GPR20: variants seen among roughly 807,000 people sequenced by gnomAD.
GPR20 encodes G protein-coupled receptor 20, also known as CTD-3064M3.3.
For synonymous variants in GPR20, 241 were observed against 241.9 expected (o/e 1.00, Z 0.04); for missense variants, 494 against 527.4 (o/e 0.94, Z 0.62).
At position 141,357,898 on chromosome 8, in the gene GPR20, G is replaced by A. The variant is rs1271614237; in HGVS notation, c.26C>T (p.Pro9Leu). MPSVSPAG[P>L]SAGAVPNATA... ...GGCATTGGGGACTGCCCCGGCCGAG[G>A]GCCCCGCTGGAGACACAGAGGGCAT... is the stretch of plus-strand genomic sequence containing the variant. Residue 9 changes from proline to leucine, a missense_variant, in exon 2 of 2, where the codon CCC becomes CTC. Physicochemically the swap from Pro to Leu is moderately conservative, Grantham distance 98. Transcript: ENST00000377741. 6.3e-7 allele frequency: 1 copy of A among 1,576,652 alleles called. No homozygotes were observed. The highest frequency in any genetic ancestry group is 8.6e-7 in the Non-Finnish European group (1 of 1,158,894).
chr8:141,356,779 A>T lies in GPR20; in HGVS notation c.*68T>A. On this transcript the variant is annotated 3_prime_UTR_variant, in exon 2 of 2. Transcript: ENST00000377741. ...GATGGAACCGATTGCCACCCCTGGC[A>T]TGGTGGGTGTCCACGCTGGCATGCC... 8.8e-7 allele frequency: 1 copy of T among 1,134,218 alleles called. No homozygotes were observed. The highest frequency in any genetic ancestry group is 2.4e-5 in the East Asian group (1 of 41,908). 70.3% of individuals were successfully genotyped at this position (1,134,218 alleles called of 1,614,324 possible). A position where few individuals can be genotyped will look rare whatever the true frequency, so the allele number is the denominator to read the frequency against.
In GPR20 at chr8:141,357,392, C is replaced by T. The variant is rs569607842; in HGVS notation, c.532G>A (p.Ala178Thr). ...AGCACCGACAGGGTGACGGCACCGG[C>T]GGCCAGCCACACGAAGGCGCACACG... ...RAVCAFVWLAAGAVTLSVLGV... is the reference protein window; with the variant it reads ...RAVCAFVWLATGAVTLSVLGV... Residue 178 changes from alanine to threonine, a missense_variant, in exon 2 of 2, where the codon GCC becomes ACC. Coordinates refer to ENST00000377741, the MANE Select transcript of GPR20 (RefSeq NM_005293.3). 28 of 1,585,170 alleles carry T rather than the reference C, an allele frequency of 1.8e-5. No individual in the cohort carries two copies. The highest frequency in any genetic ancestry group is 5.6e-5 in the South Asian group (5 of 88,866).
intron 1 of GPR20, among the ~76,000 whole-genome samples, chr8:141,358,266 G>C (rs766239049): frequency 6.6e-6 from 1 of 152,228 alleles, no homozygotes; most frequent in Non-Finnish European, 1.5e-5. Flanking sequence ...AAACACGTGC[G>C]GTGCAGGGCT....
Position 141,356,657 on chromosome 8 carries a change from C to G in GPR20, c.*190G>C, listed in dbSNP as rs1831640018. 2 of 522,542 alleles carry G rather than the reference C, an allele frequency of 3.8e-6. No individual in the cohort carries two copies. The highest frequency in any genetic ancestry group is 6.7e-6 in the Non-Finnish European group (2 of 297,396). 32.4% of individuals were successfully genotyped at this position (522,542 alleles called of 1,614,324 possible). On this transcript the variant is annotated 3_prime_UTR_variant, in exon 2 of 2. Transcript: ENST00000377741. Reference sequence around the variant, plus strand: ...ATCACCGGCATTCAGGCCACCACATCCCATCGGAGCCAGTGGCAGACATTG... The same window carrying G: ...ATCACCGGCATTCAGGCCACCACATGCCATCGGAGCCAGTGGCAGACATTG...
At position 141,357,700 on chromosome 8, in the gene GPR20, A is replaced by C; in HGVS notation, c.224T>G (p.Leu75Arg). Reference sequence around the variant, plus strand: ...CCGGGTGCGGCAGCAGAAGACGTACAGCGCCAGCCCGTTGAGCACCAGCCC... The same window carrying C: ...CCGGGTGCGGCAGCAGAAGACGTACCGCGCCAGCCCGTTGAGCACCAGCCC... ...LAGLVLNGLA[L>R]YVFCCRTRAK... The change falls in exon 2 of 2, where the codon CTG becomes CGG. Residue 75 changes from leucine to arginine, a missense_variant. Leu to Arg is a moderately radical substitution (Grantham distance 102). Coordinates refer to ENST00000377741, the MANE Select transcript of GPR20 (RefSeq NM_005293.3). 2 of 1,613,568 alleles carry C rather than the reference A, an allele frequency of 1.2e-6. No homozygotes were observed. Among genetic ancestry groups the C allele is most frequent in the Non-Finnish European group, 1.7e-6 (2 of 1,179,988 alleles).
chr8:141,357,548 G>C lies in GPR20; in HGVS notation c.376C>G (p.His126Asp), dbSNP rs1291629556. ...ATGTTGAGGAAGTAACCGAGGACGT[G>C]CGGGAAGGCACAGCGCAGGCAGCCC... The part of the protein sequence containing the change: ...ARGCLRCAFP[H>D]VLGYFLNMHC... Residue 126 changes from histidine (H) to aspartate (D), a missense_variant, in exon 2 of 2, where the codon CAC (histidine) becomes GAC (aspartate). Transcript: ENST00000377741. The C allele has an allele frequency of 6.2e-7, 1 of 1,613,848 alleles. No individual in the cohort carries two copies. The highest frequency in any genetic ancestry group is 8.5e-7 in the Non-Finnish European group (1 of 1,180,020).
chr8:141,360,291 G>A (rs748992083), intron 1 of GPR20, among the ~76,000 whole-genome samples: 3 of 152,218 alleles, frequency 2.0e-5, no homozygotes, highest in Non-Finnish European at 4.4e-5. Context: ...ACTGAGCCAT[G>A]ATCCCAGTAA....
At chr8:141,363,376 C>A (rs1586511205) in intron 1 of GPR20, among the ~76,000 whole-genome samples, 2 of 152,262 alleles carry the variant, frequency 1.3e-5, no homozygotes, top group Admixed American at 1.3e-4. Context: ...GTGCTCAGTG[C>A]AGGACTTCTC....
At chr8:141,361,568 G>A (rs751982292) in intron 1 of GPR20, among the ~76,000 whole-genome samples, 1 of 152,206 alleles carries the variant, frequency 6.6e-6, no homozygotes, top group Non-Finnish European at 1.5e-5. Flanking sequence ...CCCAGAGGGC[G>A]AGGGGGCGAG....
At chr8:141,367,008 G>C (rs964092197) in intron 1 of GPR20, among the ~76,000 whole-genome samples, 193 bp downstream of exon 1, 3 of 152,228 alleles carry the variant, frequency 2.0e-5, no homozygotes, top group Non-Finnish European at 1.5e-5. Flanking sequence ...TTTCTCATCT[G>C]AGAAATGGCT....
chr8:141,361,422 T>C (rs981559193), intron 1 of GPR20, among the ~76,000 whole-genome samples: 4 of 152,258 alleles, frequency 2.6e-5, no homozygotes, highest in African/African-American at 9.6e-5. Context: ...TTACAGTCTC[T>C]GAGCCTCAGT....
intron 1 of GPR20, among the ~76,000 whole-genome samples, chr8:141,366,517 G>A (rs1031591511): frequency 1.3e-5 from 2 of 152,228 alleles, no homozygotes; most frequent in Non-Finnish European, 2.9e-5. Context: ...GAGCTTCGCG[G>A]GGCTGGAGCC....
At chr8:141,358,429 G>C (rs1831685779) in intron 1 of GPR20, among the ~76,000 whole-genome samples, 1 of 152,186 alleles carries the variant, frequency 6.6e-6, no homozygotes, top group Admixed American at 6.5e-5. Flanking sequence ...CATGTCACTG[G>C]GATCGCGTTG....
chr8:141,357,862 G>A lies in GPR20; in HGVS notation c.62C>T (p.Thr21Ile). The change falls in exon 2 of 2, where the codon ACA becomes ATA. Residue 21 changes from threonine to isoleucine, a missense_variant. Physicochemically the swap from Thr to Ile is moderately conservative, Grantham distance 89. Transcript: ENST00000377741. ...AGAVPNATAVTTVRTNASGLE... is the reference protein window; with the variant it reads ...AGAVPNATAVITVRTNASGLE... ...CCCGCTGGCATTGGTCCGCACTGTTGTCACTGCGGTGGCATTGGGGACTGC... is the reference window on the plus strand; with the variant it reads ...CCCGCTGGCATTGGTCCGCACTGTTATCACTGCGGTGGCATTGGGGACTGC... 3 of 1,610,262 alleles carry A rather than the reference G, an allele frequency of 1.9e-6. 1 individual carries two copies. The highest frequency in any genetic ancestry group is 2.2e-5 in the South Asian group (2 of 90,754).
At chr8:141,367,164 G>T in intron 1 of GPR20, 37 bp downstream of exon 1, 1 of 152,434 alleles carries the variant, frequency 6.6e-6, no homozygotes, top group East Asian at 1.9e-4. Context: ...GGAAGCTGGG[G>T]AGAGGGAGGC....
chr8:141,356,650 ACCACATC>A lies in GPR20; in HGVS notation c.*190_*196del. On this transcript the variant is annotated 3_prime_UTR_variant, in exon 2 of 2. Transcript: ENST00000377741. ...ACAGCAAATCACCGGCATTCAGGCC[ACCACATC>A]CCATCGGAGCCAGTGGCAGACATTG... 1.9e-6 allele frequency: 1 copy of A among 519,086 alleles called. No homozygotes were observed. The highest frequency in any genetic ancestry group is 1.9e-5 in the African/African-American group (1 of 51,922). The allele number at this position is 519,086 out of a possible 1,614,324, so 32.2% of individuals were successfully genotyped here.
intron 1 of GPR20, among the ~76,000 whole-genome samples, chr8:141,364,136 C>T (rs1005100726): frequency 7.2e-5 from 11 of 152,186 alleles, no homozygotes; most frequent in South Asian, 6.2e-4. Flanking sequence ...GAGCAGAGTG[C>T]GGGCTGGGGA....
intron 1 of GPR20, among the ~76,000 whole-genome samples, chr8:141,362,784 C>T (rs1305833578): frequency 6.8e-6 from 1 of 146,404 alleles, no homozygotes; most frequent in African/African-American, 2.5e-5. Flanking sequence ...TTCTTTCTTT[C>T]TTTTTTTTTT....
chr8:141,359,747 C>T (rs754140668), intron 1 of GPR20, among the ~76,000 whole-genome samples: 16 of 152,194 alleles, frequency 1.1e-4, no homozygotes, highest in Non-Finnish European at 2.1e-4. Flanking sequence ...GGGAACCTGG[C>T]GTCTCAGGGC....
Sources: allele counts gnomAD v4.1 joint callset (sites outside exome capture counted in the v4.1 genomes callset), GRCh38; gene constraint gnomAD v4.1.1; transcripts MANE v1.5; gene names NCBI Gene and HGNC (gene_info 2026-07-23, HGNC 2026-07-21).